The following PSMD9 variants were observed in gnomAD, a reference collection of about 807,000 sequenced individuals.
PSMD9 encodes the protein proteasome 26S subunit, non-ATPase 9, also known as 26S proteasome non-ATPase regulatory subunit 9.
PSMD9 carries 26 observed loss-of-function variants against 25.9 expected under a neutral mutation model. That is an observed-to-expected ratio of 1.00 (90% CI 0.73 to 1.39). The LOEUF (loss-of-function observed/expected upper bound fraction) is 1.39. Among genes scored for constraint, PSMD9 ranks in the 40% most tolerant of loss-of-function variants. The probability of loss-of-function intolerance (pLI) is 0.00; values close to 1 mark genes in which losing one functional copy is unlikely to be tolerated. For synonymous variants in PSMD9, 110 were observed against 114.5 expected (o/e 0.96, Z 0.25); for missense variants, 303 against 299.3 (o/e 1.01, Z -0.09).
chr12:121,904,672 A>G (rs986574303), intron 4 of PSMD9, among the ~76,000 whole-genome samples: 1 of 135,040 alleles, frequency 7.4e-6, no homozygotes. Flanking sequence ...TATTATTATT[A>G]TTTGAGATGG....
intron 4 of PSMD9, 134 bp from the exon 5 acceptor site, chr12:121,915,722 C>T (rs1357566083): frequency 8.7e-6 from 7 of 803,194 alleles, no homozygotes; most frequent in East Asian, 5.4e-5. Context: ...CCCACCCTCT[C>T]GCCAACCACA....
chr12:121,912,868 C>CAAAAAA (rs35325016), intron 4 of PSMD9, among the ~76,000 whole-genome samples: 1 of 85,800 alleles, frequency 1.2e-5, no homozygotes, highest in Non-Finnish European at 2.2e-5. Context: ...AACCCTGTCT[C>CAAAAAA]AAAAAAAAAA....
chr12:121,894,949 G>C, intron 2 of PSMD9, 108 bp downstream of exon 2: 2 of 961,850 alleles, frequency 2.1e-6, no homozygotes, highest in South Asian at 3.0e-5. Context: ...CTTCTGCCTT[G>C]ATGGGATTGT....
intron 3 of PSMD9, 97 bp downstream of exon 3, chr12:121,899,942 C>T: frequency 1.5e-6 from 2 of 1,345,404 alleles, no homozygotes; most frequent in Non-Finnish European, 2.1e-6. Flanking sequence ...TCTCTCCGTG[C>T]TGCGGTGCTG....
At chr12:121,891,735 G>A (rs1879086412) in intron 1 of PSMD9, among the ~76,000 whole-genome samples, 1 of 151,622 alleles carries the variant, frequency 6.6e-6, no homozygotes, top group African/African-American at 2.4e-5. Context: ...GTGAAACCCC[G>A]TCTCAACGAA....
chr12:121,904,773 T>C (rs991491002), intron 4 of PSMD9, among the ~76,000 whole-genome samples: 2 of 149,680 alleles, frequency 1.3e-5, no homozygotes, highest in Non-Finnish European at 3.0e-5. Context: ...TTCTCCTGCC[T>C]CAGCCTCCTG....
intron 2 of PSMD9, chr12:121,897,686 A>G (rs1879274548): frequency 7.4e-6 from 1 of 135,460 alleles, no homozygotes; most frequent in African/African-American, 2.9e-5. Context: ...TGCCTGGCCT[A>G]ATTTTTTAGT....
chr12:121,895,611 G>A (rs547862034), intron 2 of PSMD9, among the ~76,000 whole-genome samples: 7 of 151,732 alleles, frequency 4.6e-5, no homozygotes, highest in South Asian at 2.1e-4. Context: ...GCTGCCCACC[G>A]TCCTTGGCTC....
intron 4 of PSMD9, among the ~76,000 whole-genome samples, chr12:121,907,467 C>G (rs746080113): frequency 6.6e-5 from 10 of 152,060 alleles, no homozygotes; most frequent in Non-Finnish European, 1.0e-4. Context: ...CTCACTGCAA[C>G]CTCTGCCTCC....
chr12:121,891,987 T>C (rs1455832711), intron 1 of PSMD9, among the ~76,000 whole-genome samples: 1 of 151,198 alleles, frequency 6.6e-6, no homozygotes, highest in African/African-American at 2.4e-5. Context: ...CTTCATGACC[T>C]TGGATTAGGC....
intron 1 of PSMD9, among the ~76,000 whole-genome samples, chr12:121,892,784 G>C (rs934169530): frequency 6.6e-6 from 1 of 152,096 alleles, no homozygotes; most frequent in African/African-American, 2.4e-5. Flanking sequence ...GGCTGAGACA[G>C]ATCGCTTGAA....
At chr12:121,913,493 C>CTT (rs771986462) in intron 4 of PSMD9, among the ~76,000 whole-genome samples, 5 of 134,836 alleles carry the variant, frequency 3.7e-5, no homozygotes, top group Non-Finnish European at 4.8e-5. Context: ...TTTCTTTTTT[C>CTT]TTTTTTTTTT....
At chr12:121,908,619 G>C (rs377560627) in intron 4 of PSMD9, among the ~76,000 whole-genome samples, 2 of 152,164 alleles carry the variant, frequency 1.3e-5, no homozygotes, top group African/African-American at 2.4e-5. Flanking sequence ...GCACTTTGGT[G>C]GGGGAGCCAG....
In PSMD9 at chr12:121,903,044, T is replaced by C; in HGVS notation, c.492T>C (p.Ser164=). Residue 164 remains serine, a synonymous_variant, in exon 4 of 6, where the codon TCT becomes TCC. Transcript: ENST00000541212. ...QVDDEIVEFG[S]VNTQNFQSLH... is the part of the protein sequence containing the mutation. ...ATGATGAGATTGTGGAGTTCGGCTC[T>C]GTGAACACCCAGAACTTCCAGTCAC... 6.2e-7 allele frequency: 1 copy of C among 1,614,142 alleles called. No homozygotes were observed. The highest frequency in any genetic ancestry group is 8.5e-7 in the Non-Finnish European group (1 of 1,180,008).
At chr12:121,916,107 C>G (rs1879893209) in intron 5 of PSMD9, 163 bp downstream of exon 5, 9 of 1,157,070 alleles carry the variant, frequency 7.8e-6, no homozygotes, top group Non-Finnish European at 1.1e-5. Context: ...GACTACAGCT[C>G]TAGAAGCAGA....
chr12:121,904,306 G>A (rs1879488768), intron 4 of PSMD9, among the ~76,000 whole-genome samples: 1 of 148,380 alleles, frequency 6.7e-6, no homozygotes, highest in Non-Finnish European at 1.5e-5. Context: ...TGGGCGTGGT[G>A]GCTCACTCCT....
chr12:121,896,202 G>T (rs1432786935), intron 2 of PSMD9, among the ~76,000 whole-genome samples: 1 of 152,148 alleles, frequency 6.6e-6, no homozygotes, highest in Non-Finnish European at 1.5e-5. Context: ...GGGTGCGGTG[G>T]CTCATGCCTG....
Position 121,899,684 on chromosome 12 carries a change from C to T in PSMD9, c.292C>T (p.His98Tyr). 3 of 1,613,626 alleles carry T rather than the reference C, an allele frequency of 1.9e-6. No homozygotes were observed. Among genetic ancestry groups the T allele is most frequent in the African/African-American group, 1.3e-5 (1 of 75,052 alleles). ...GATGAAGCAGGTGGAGGAGGCCCTG[C>T]ACCAGCTGCACGCTCGCGACAAGGA... is the stretch of plus-strand genomic sequence containing the variant. ...AVMKQVEEALHQLHARDKEKQ... is the reference protein window; with the variant it reads ...AVMKQVEEALYQLHARDKEKQ... Residue 98 changes from histidine to tyrosine, a missense_variant, in exon 3 of 6, where the codon CAC (histidine) becomes TAC (tyrosine). Coordinates refer to ENST00000541212, the MANE Select transcript of PSMD9 (RefSeq NM_002813.7).
intron 4 of PSMD9, among the ~76,000 whole-genome samples, chr12:121,906,890 C>G (rs1879574239): frequency 6.8e-6 from 1 of 147,418 alleles, no homozygotes; most frequent in African/African-American, 2.5e-5. Flanking sequence ...TGCTTGAACC[C>G]GGGAGGCAGA....
Sources: allele counts gnomAD v4.1 joint callset (sites outside exome capture counted in the v4.1 genomes callset), GRCh38; gene constraint gnomAD v4.1.1; transcripts MANE v1.5; gene names NCBI Gene and HGNC (gene_info 2026-07-23, HGNC 2026-07-21).